HYCC2: variants seen among roughly 807,000 people sequenced by gnomAD.
The protein encoded by HYCC2 is hyccin PI4KA lipid kinase complex subunit 2.
At chr2:201,001,332 G>A in the HYCC2 span, among the ~76,000 whole-genome samples, 4 of 151,970 alleles carry the variant, frequency 2.6e-5, no homozygotes, top group African/African-American at 7.3e-5. Context: ...CATTTCTATC[G>A]TTTATATATT....
the HYCC2 span, among the ~76,000 whole-genome samples, chr2:201,049,199 A>G: frequency 5.1e-3 from 778 of 152,224 alleles, 5 homozygotes; most frequent in African/African-American, 0.018. Context: ...TAAAGCCATA[A>G]TAATAGTTGG....
the HYCC2 span, chr2:200,975,403 A>G: frequency 2.0e-5 from 3 of 152,038 alleles, no homozygotes; most frequent in African/African-American, 7.2e-5. Flanking sequence ...ATTGATATCA[A>G]TTCTGTAATT....
At chr2:201,017,491 C>T in the HYCC2 span, among the ~76,000 whole-genome samples, 1 of 152,148 alleles carries the variant, frequency 6.6e-6, no homozygotes, top group East Asian at 1.9e-4. Flanking sequence ...TTCTTATCAA[C>T]TCTATCTTCC....
the HYCC2 span, chr2:200,973,907 T>G: frequency 2.0e-5 from 3 of 152,128 alleles, no homozygotes; most frequent in Non-Finnish European, 4.4e-5. Flanking sequence ...ACTTAAAATA[T>G]TTTTTCATCT....
chr2:201,024,018 A>C, the HYCC2 span: 1 of 1,610,010 alleles, frequency 6.2e-7, no homozygotes, highest in Non-Finnish European at 8.5e-7. Context: ...ATTTTCTTTT[A>C]CCTTCTACTC....
the HYCC2 span, among the ~76,000 whole-genome samples, chr2:201,033,655 C>T: frequency 2.0e-5 from 3 of 152,038 alleles, no homozygotes; most frequent in East Asian, 5.8e-4. Flanking sequence ...CTGCCCGCCT[C>T]GGCCTCCCAA....
At chr2:201,042,528 C>T in the HYCC2 span, among the ~76,000 whole-genome samples, 7 of 152,070 alleles carry the variant, frequency 4.6e-5, no homozygotes, top group East Asian at 3.9e-4. Context: ...TCTGCCCCGC[C>T]GCCACCCCGT....
chr2:201,063,909 G>A, the HYCC2 span: 1 of 1,596,856 alleles, frequency 6.3e-7, no homozygotes, highest in Non-Finnish European at 8.5e-7. Context: ...TCAAATTTTG[G>A]ACCCGTGAAG....
At chr2:201,059,454 T>C in the HYCC2 span, among the ~76,000 whole-genome samples, 1 of 152,104 alleles carries the variant, frequency 6.6e-6, no homozygotes, top group African/African-American at 2.4e-5. Flanking sequence ...GGCATATAAG[T>C]GAGATTGGTG....
the HYCC2 span, among the ~76,000 whole-genome samples, chr2:201,012,090 C>T: frequency 8.6e-5 from 13 of 151,872 alleles, no homozygotes; most frequent in Admixed American, 5.2e-4. Context: ...TGGTGAGAAC[C>T]TTTATGAATG....
chr2:200,989,522 G>A, the HYCC2 span, among the ~76,000 whole-genome samples: 1 of 152,110 alleles, frequency 6.6e-6, no homozygotes, highest in African/African-American at 2.4e-5. Context: ...AATGGCTTTT[G>A]AGAAGCTGGG....
the HYCC2 span, chr2:201,063,534 C>T: frequency 2.5e-6 from 4 of 1,589,288 alleles, no homozygotes; most frequent in African/African-American, 4.0e-5. Flanking sequence ...AGGGGCTTTG[C>T]CTTTGTAACC....
chr2:201,004,286 C>G, the HYCC2 span, among the ~76,000 whole-genome samples: 2 of 152,214 alleles, frequency 1.3e-5, no homozygotes, highest in Admixed American at 6.5e-5. Context: ...TGTCAATGCA[C>G]ATCAGGAGAA....
At chr2:200,990,579 C>T in the HYCC2 span, among the ~76,000 whole-genome samples, 2 of 143,864 alleles carry the variant, frequency 1.4e-5, no homozygotes, top group South Asian at 2.2e-4. Context: ...ATTTTTTTTT[C>T]TTTTTTTTTT....
At chr2:201,051,927 G>A in the HYCC2 span, among the ~76,000 whole-genome samples, 4 of 152,182 alleles carry the variant, frequency 2.6e-5, no homozygotes, top group Non-Finnish European at 5.9e-5. Context: ...GGAGAAAAGT[G>A]TGAGGAGAGA....
the HYCC2 span, chr2:201,022,785 T>C: frequency 5.0e-6 from 6 of 1,200,984 alleles, no homozygotes; most frequent in Non-Finnish European, 7.2e-6. Flanking sequence ...TTGGTATACA[T>C]ATTTCATTTC....
chr2:201,042,137 T>C, the HYCC2 span, among the ~76,000 whole-genome samples: 2 of 152,206 alleles, frequency 1.3e-5, no homozygotes, highest in Admixed American at 6.5e-5. Flanking sequence ...TCGTATTTTT[T>C]GGTGGAGACA....
At chr2:201,011,524 A>G in the HYCC2 span, 7 of 995,334 alleles carry the variant, frequency 7.0e-6, no homozygotes, top group African/African-American at 1.7e-5. Context: ...ATCTACACGA[A>G]ATAATAATTA....
the HYCC2 span, among the ~76,000 whole-genome samples, chr2:201,044,460 G>A: frequency 6.6e-6 from 1 of 152,154 alleles, no homozygotes; most frequent in Non-Finnish European, 1.5e-5. Context: ...AATGTGATCT[G>A]AAGAAGGTAA....
Sources: allele counts gnomAD v4.1 joint callset (sites outside exome capture counted in the v4.1 genomes callset), GRCh38; gene constraint gnomAD v4.1.1; transcripts MANE v1.5; gene names NCBI Gene and HGNC (gene_info 2026-07-23, HGNC 2026-07-21).